EXOC4: variants seen among roughly 807,000 people sequenced by gnomAD.
EXOC4 encodes the protein exocyst complex component 4, also known as SEC8-like 1.
EXOC4 carries 71 observed loss-of-function variants against 107.2 expected under a neutral mutation model. The observed-to-expected ratio is 0.66, with a 90% CI of 0.55 to 0.81. EXOC4 has a LOEUF of 0.81. Among genes scored for constraint, EXOC4 ranks in the 30% least tolerant of loss-of-function variants. The probability of loss-of-function intolerance (pLI) is 0.00; values close to 1 mark genes in which losing one functional copy is unlikely to be tolerated. For missense variants in EXOC4, 1,108 were observed against 1,189.6 expected (o/e 0.93, Z 1.01); for synonymous variants, 456 against 441.2 (o/e 1.03, Z -0.42).
chr7:133,973,183 G>A (rs1793733715), intron 14 of EXOC4, among the ~76,000 whole-genome samples: 1 of 152,086 alleles, frequency 6.6e-6, no homozygotes, highest in Admixed American at 6.5e-5. Context: ...TAAAAGTCGT[G>A]GAAAATACAG....
intron 7 of EXOC4, among the ~76,000 whole-genome samples, chr7:133,404,497 A>T (rs1797168184): frequency 6.6e-6 from 1 of 151,608 alleles, no homozygotes; most frequent in Non-Finnish European, 1.5e-5. Flanking sequence ...TGCATCTCAC[A>T]TTAGTTTCTT....
chr7:133,914,307 C>A (rs1799758257), intron 12 of EXOC4, among the ~76,000 whole-genome samples: 1 of 152,130 alleles, frequency 6.6e-6, no homozygotes, highest in African/African-American at 2.4e-5. Flanking sequence ...AAGCCAGAAA[C>A]AGACAAATGT....
At chr7:133,296,954 A>G (rs1584788336) in intron 3 of EXOC4, among the ~76,000 whole-genome samples, 2 of 152,292 alleles carry the variant, frequency 1.3e-5, no homozygotes, top group South Asian at 2.1e-4. Context: ...AGGTAATGCC[A>G]ATATGCAGGC....
At chr7:133,978,245 G>A (rs1417937337) in intron 14 of EXOC4, among the ~76,000 whole-genome samples, 1 of 152,168 alleles carries the variant, frequency 6.6e-6, no homozygotes, top group East Asian at 1.9e-4. Flanking sequence ...ACCATTTTTG[G>A]TCTGGGCTGC....
At chr7:133,698,731 T>C (rs145743058) in intron 10 of EXOC4, among the ~76,000 whole-genome samples, 41 of 152,306 alleles carry the variant, frequency 2.7e-4, no homozygotes, top group African/African-American at 8.9e-4. Flanking sequence ...TTTTTTCTTA[T>C]GGCAAGTATG....
At chr7:133,812,662 CAT>C (rs1797262943) in intron 10 of EXOC4, among the ~76,000 whole-genome samples, 1 of 152,036 alleles carries the variant, frequency 6.6e-6, no homozygotes, top group South Asian at 2.1e-4. Flanking sequence ...TTATGATATA[CAT>C]GTTTTGAAAT....
intron 7 of EXOC4, among the ~76,000 whole-genome samples, chr7:133,424,604 A>C (rs762379347): frequency 6.8e-4 from 103 of 152,246 alleles, no homozygotes; most frequent in Non-Finnish European, 1.2e-3. Flanking sequence ...TCAATGAATA[A>C]ATGAATATTT....
chr7:133,285,418 A>C (rs1415158941), intron 2 of EXOC4, among the ~76,000 whole-genome samples: 5 of 152,156 alleles, frequency 3.3e-5, no homozygotes, highest in Non-Finnish European at 7.3e-5. Context: ...AAATATCTTT[A>C]TTCTTTCCTC....
At chr7:133,907,046 G>C (rs1319646911) in intron 12 of EXOC4, among the ~76,000 whole-genome samples, 1 of 152,166 alleles carries the variant, frequency 6.6e-6, no homozygotes, top group Non-Finnish European at 1.5e-5. Flanking sequence ...TGGGAGCTCT[G>C]GGAGCAAGGA....
intron 17 of EXOC4, among the ~76,000 whole-genome samples, chr7:134,040,921 A>G (rs1795500901): frequency 6.6e-6 from 1 of 152,168 alleles, no homozygotes; most frequent in African/African-American, 2.4e-5. Flanking sequence ...TGAATATTTA[A>G]TATAGCTTCC....
intron 10 of EXOC4, among the ~76,000 whole-genome samples, chr7:133,766,188 G>T (rs985312840): frequency 6.6e-5 from 10 of 151,936 alleles, no homozygotes; most frequent in African/African-American, 1.9e-4. Context: ...TATGAAAAAA[G>T]AGATAGCTTT....
chr7:133,607,804 A>G (rs1419318956), intron 9 of EXOC4, among the ~76,000 whole-genome samples: 1 of 152,242 alleles, frequency 6.6e-6, no homozygotes, highest in African/African-American at 2.4e-5. Flanking sequence ...GCTATATGCT[A>G]TGTGATATAA....
At chr7:133,516,719 G>A (rs568921165) in intron 9 of EXOC4, among the ~76,000 whole-genome samples, 1 of 127,168 alleles carries the variant, frequency 7.9e-6, no homozygotes, top group Non-Finnish European at 1.7e-5. Context: ...ATGGTCATTC[G>A]GGGTTTATTC....
At chr7:133,854,650 A>G (rs1343959193) in intron 11 of EXOC4, among the ~76,000 whole-genome samples, 2 of 151,886 alleles carry the variant, frequency 1.3e-5, no homozygotes, top group Non-Finnish European at 2.9e-5. Flanking sequence ...AAGCACAGCC[A>G]TCAGCAAAAT....
At chr7:133,650,281 G>A (rs1262439621) in intron 10 of EXOC4, among the ~76,000 whole-genome samples, 1 of 151,882 alleles carries the variant, frequency 6.6e-6, no homozygotes, top group African/African-American at 2.4e-5. Flanking sequence ...TGAGAACATT[G>A]GCTCTGGAAT....
intron 17 of EXOC4, among the ~76,000 whole-genome samples, chr7:134,061,317 G>A (rs1268243783): frequency 1.3e-5 from 2 of 152,200 alleles, no homozygotes; most frequent in African/African-American, 2.4e-5. Context: ...TAATCTCAGT[G>A]AAAAGCATCA....
At chr7:133,391,791 A>C (rs1435229374) in intron 7 of EXOC4, among the ~76,000 whole-genome samples, 1 of 152,188 alleles carries the variant, frequency 6.6e-6, no homozygotes, top group African/African-American at 2.4e-5. Context: ...GGACTTATTT[A>C]TGGTCAACTA....
chr7:133,618,777 C>A (rs1341736392), intron 9 of EXOC4, among the ~76,000 whole-genome samples: 1 of 152,058 alleles, frequency 6.6e-6, no homozygotes, highest in Non-Finnish European at 1.5e-5. Context: ...CCTTGGAGAT[C>A]TGGGAAATAG....
chr7:133,866,496 C>T (rs1451466604), intron 11 of EXOC4, among the ~76,000 whole-genome samples: 1 of 152,186 alleles, frequency 6.6e-6, no homozygotes, highest in Non-Finnish European at 1.5e-5. Context: ...TAGAGAGGCT[C>T]TACTGGTGAG....
Sources: allele counts gnomAD v4.1 joint callset (sites outside exome capture counted in the v4.1 genomes callset), GRCh38; gene constraint gnomAD v4.1.1; transcripts MANE v1.5; gene names NCBI Gene and HGNC (gene_info 2026-07-23, HGNC 2026-07-21).